SESTD1: variants seen among roughly 807,000 people sequenced by gnomAD.
SESTD1 encodes the protein SEC14 and spectrin domain containing 1.
Under a neutral mutation model 101.7 loss-of-function variants are expected in SESTD1, and 43 were observed. The observed-to-expected ratio is 0.42, with a 90% confidence interval of 0.33 to 0.55. The LOEUF is 0.55. SESTD1 is among the 20% of genes least tolerant of loss of function. The probability of loss-of-function intolerance (pLI) is 0.07; values close to 1 mark genes in which losing one functional copy is unlikely to be tolerated. For missense variants in SESTD1, 647 were observed against 815.1 expected (o/e 0.79, Z 2.51); for synonymous variants, 283 against 286.8 (o/e 0.99, Z 0.13).
At chr2:179,155,509 G>A (rs1375891073) in intron 5 of SESTD1, among the ~76,000 whole-genome samples, 6 of 151,742 alleles carry the variant, frequency 4.0e-5, no homozygotes, top group African/African-American at 2.4e-5. Flanking sequence ...CCAACGATTT[G>A]GGCAGCCAAG....
At chr2:179,199,708 A>G (rs1056784140) in intron 1 of SESTD1, among the ~76,000 whole-genome samples, 17 of 152,216 alleles carry the variant, frequency 1.1e-4, no homozygotes, top group Admixed American at 5.9e-4. Flanking sequence ...CAAAAACCAC[A>G]TGATTATTTC....
chr2:179,183,999 A>T (rs867326924), intron 2 of SESTD1, among the ~76,000 whole-genome samples: 9 of 152,208 alleles, frequency 5.9e-5, no homozygotes, highest in Middle Eastern at 3.4e-3. Flanking sequence ...TTAACTCACA[A>T]AGGTCAGACA....
intron 17 of SESTD1, among the ~76,000 whole-genome samples, chr2:179,111,921 G>A (rs980526165): frequency 4.0e-5 from 6 of 151,856 alleles, no homozygotes; most frequent in African/African-American, 7.3e-5. Context: ...GGTTTTCACC[G>A]TGTTAGCCAG....
intron 5 of SESTD1, among the ~76,000 whole-genome samples, chr2:179,171,680 TAAA>T (rs1227346686): frequency 1.3e-5 from 2 of 151,968 alleles, no homozygotes; most frequent in African/African-American, 4.8e-5. Flanking sequence ...AAGAGAGAAA[TAAA>T]AAGTCAGTAG....
chr2:179,251,448 T>C (rs2047315975), intron 1 of SESTD1, among the ~76,000 whole-genome samples: 1 of 152,212 alleles, frequency 6.6e-6, no homozygotes, highest in African/African-American at 2.4e-5. Flanking sequence ...AGTTACCATA[T>C]GTGGAATGAT....
At chr2:179,117,768 T>C (rs934965574) in intron 13 of SESTD1, among the ~76,000 whole-genome samples, 155 bp from the exon 14 acceptor site, 3 of 152,216 alleles carry the variant, frequency 2.0e-5, no homozygotes, top group Non-Finnish European at 2.9e-5. Flanking sequence ...GTAAGAATTT[T>C]AGGGATATTT....
intron 3 of SESTD1, among the ~76,000 whole-genome samples, chr2:179,177,096 A>G (rs1424252594): frequency 6.6e-6 from 1 of 152,194 alleles, no homozygotes; most frequent in African/African-American, 2.4e-5. Flanking sequence ...ACCATGTCTA[A>G]CCCACTTATG....
At chr2:179,121,340 C>T (rs1457347877) in intron 13 of SESTD1, among the ~76,000 whole-genome samples, 2 of 152,122 alleles carry the variant, frequency 1.3e-5, no homozygotes, top group Admixed American at 1.3e-4. Context: ...TTTAATCCTC[C>T]TACAGCAAAT....
In SESTD1 at chr2:179,102,878, A is replaced by G. The variant is rs2044302096; in HGVS notation, c.*7021T>C. On this transcript the variant is annotated 3_prime_UTR_variant, in exon 18 of 18. Coordinates refer to ENST00000428443, the MANE Select transcript of SESTD1 (RefSeq NM_178123.5). Reference sequence around the variant, plus strand: ...CCCCTATGCAAAACTGTGAGGTAGAATTTTTCCCACCCCGTTTTCTGCTCT... The same window carrying G: ...CCCCTATGCAAAACTGTGAGGTAGAGTTTTTCCCACCCCGTTTTCTGCTCT... The G allele has an allele frequency of 6.6e-6, 1 of 151,900 alleles. No homozygotes were observed. The highest frequency in any genetic ancestry group is 1.5e-5 in the Non-Finnish European group (1 of 67,968). 9.4% of individuals were successfully genotyped at this position (151,900 alleles called of 1,614,324 possible). A position where few individuals can be genotyped will look rare whatever the true frequency, so the allele number is the denominator to read the frequency against.
At chr2:179,238,378 C>T (rs549162795) in intron 1 of SESTD1, among the ~76,000 whole-genome samples, 2 of 152,268 alleles carry the variant, frequency 1.3e-5, no homozygotes, top group Admixed American at 1.3e-4. Context: ...AACGCCTTCT[C>T]ATGGCCTTAG....
At chr2:179,255,053 C>T (rs895913897) in intron 1 of SESTD1, among the ~76,000 whole-genome samples, 19 of 152,148 alleles carry the variant, frequency 1.2e-4, no homozygotes, top group African/African-American at 4.3e-4. Context: ...AGATGGCGAA[C>T]TTAATCAATA....
intron 2 of SESTD1, among the ~76,000 whole-genome samples, chr2:179,184,892 C>A (rs1413510749): frequency 6.6e-6 from 1 of 151,970 alleles, no homozygotes; most frequent in Non-Finnish European, 1.5e-5. Flanking sequence ...CATTCAGGGA[C>A]AATAAAATAA....
chr2:179,151,764 C>G (rs1351285258), intron 5 of SESTD1, among the ~76,000 whole-genome samples: 1 of 152,012 alleles, frequency 6.6e-6, no homozygotes, highest in African/African-American at 2.4e-5. Flanking sequence ...ATGATAAGCC[C>G]TATGAAGAGT....
At chr2:179,113,553 C>G (rs1254513054) in intron 16 of SESTD1, among the ~76,000 whole-genome samples, 1 of 151,904 alleles carries the variant, frequency 6.6e-6, no homozygotes, top group Non-Finnish European at 1.5e-5. Context: ...ATTTTTACAA[C>G]TTTTTTTTGC....
At chr2:179,229,431 C>T (rs893817133) in intron 1 of SESTD1, among the ~76,000 whole-genome samples, 1 of 152,122 alleles carries the variant, frequency 6.6e-6, no homozygotes, top group Non-Finnish European at 1.5e-5. Context: ...CTGGAATTTA[C>T]ACCACAGGTC....
chr2:179,136,155 C>A (rs1304938145), intron 9 of SESTD1, among the ~76,000 whole-genome samples: 1 of 152,164 alleles, frequency 6.6e-6, no homozygotes, highest in Non-Finnish European at 1.5e-5. Context: ...TCCGGCTCTG[C>A]TTCTTCTAGT....
At chr2:179,156,591 T>C (rs1039874526) in intron 5 of SESTD1, among the ~76,000 whole-genome samples, 1 of 152,238 alleles carries the variant, frequency 6.6e-6, no homozygotes, top group Non-Finnish European at 1.5e-5. Flanking sequence ...TTGAGCATTT[T>C]TTCATATGTT....
chr2:179,219,526 T>C (rs1251929230), intron 1 of SESTD1, among the ~76,000 whole-genome samples: 1 of 152,204 alleles, frequency 6.6e-6, no homozygotes, highest in African/African-American at 2.4e-5. Context: ...GTTATAACTA[T>C]CCTTAAGTTG....
chr2:179,161,075 CTT>C (rs56092247), intron 5 of SESTD1, among the ~76,000 whole-genome samples: 47,188 of 134,016 alleles, frequency 0.35, 9,913 homozygotes, highest in African/African-American at 0.62. Flanking sequence ...CCATACCTAG[CTT>C]TTTTTTTTTT....
Sources: gnomAD v4.1 joint callset for allele counts (sites outside exome capture counted in the v4.1 genomes callset) on GRCh38, gnomAD v4.1.1 for gene constraint, MANE v1.5 for transcripts, NCBI Gene and HGNC (gene_info 2026-07-23, HGNC 2026-07-21) for gene names.